The following PTPRD variants were observed in gnomAD, a reference collection of about 807,000 sequenced individuals.
PTPRD encodes the protein protein tyrosine phosphatase receptor type D.
In PTPRD, 34 loss-of-function variants were observed where a neutral mutation model predicts 214.5. The observed-to-expected ratio is 0.16, with a 90% CI of 0.12 to 0.21. PTPRD has a LOEUF of 0.21. Among genes scored for constraint, PTPRD ranks in the 10% least tolerant of loss-of-function variants. The pLI, the probability that PTPRD is intolerant of heterozygous loss-of-function variation, is 1.00. For missense variants in PTPRD, 2,545 were observed against 2,398.7 expected (o/e 1.06, Z -1.27); for synonymous variants, 1,128 against 845.7 (o/e 1.33, Z -5.79).
intron 6 of PTPRD, among the ~76,000 whole-genome samples, chr9:9,741,829 CCA>C (rs899381106): frequency 1.1e-4 from 17 of 152,232 alleles, no homozygotes; most frequent in African/African-American, 4.1e-4. Context: ...TGTATATGTA[CCA>C]CATTTTCTTT....
chr9:8,402,197 CA>C lies in PTPRD; in HGVS notation c.4210+2339del, dbSNP rs781646853. 6.6e-5 allele frequency among the ~76,000 whole-genome samples: 10 copies of C among 152,268 alleles called. No individual in the cohort carries two copies. The South Asian group carries it at 1.0e-3, about 16-fold the overall frequency. On this transcript the variant is annotated intron_variant, in intron 36 of 45. Transcript: ENST00000381196. ...TAAATGCTTCTAACCTTTTGCATAA[CA>C]CTTAACATGTTAGGTCAGCTCTAGA...
At chr9:9,451,425 C>T (rs1244420611) in intron 8 of PTPRD, among the ~76,000 whole-genome samples, 1 of 151,580 alleles carries the variant, frequency 6.6e-6, no homozygotes, top group Non-Finnish European at 1.5e-5. Flanking sequence ...AGTTTGTTTC[C>T]ATTTTTGTGT....
At chr9:8,994,664 G>T (rs1030524488) in intron 11 of PTPRD, among the ~76,000 whole-genome samples, 4 of 151,932 alleles carry the variant, frequency 2.6e-5, no homozygotes, top group Non-Finnish European at 5.9e-5. Flanking sequence ...CGGTTGGAGG[G>T]GGGGTGTTGT....
intron 7 of PTPRD, among the ~76,000 whole-genome samples, chr9:9,676,834 G>T (rs1000690235): frequency 6.6e-6 from 1 of 152,098 alleles, no homozygotes; most frequent in African/African-American, 2.4e-5. Context: ...GGTGTGAGAT[G>T]GTATCTCATT....
At chr9:10,542,113 A>G (rs1173713781) in intron 2 of PTPRD, among the ~76,000 whole-genome samples, 1 of 152,162 alleles carries the variant, frequency 6.6e-6, no homozygotes, top group African/African-American at 2.4e-5. Flanking sequence ...TGAAAGACTA[A>G]TAAAAGACTT....
chr9:10,068,445 G>A (rs1433827155), intron 3 of PTPRD, among the ~76,000 whole-genome samples: 2 of 151,810 alleles, frequency 1.3e-5, no homozygotes, highest in Admixed American at 6.6e-5. Flanking sequence ...TACTCTCCTG[G>A]TCCTTTGGAT....
At chr9:8,544,269 C>T (rs2079285221) in intron 14 of PTPRD, among the ~76,000 whole-genome samples, 1 of 144,748 alleles carries the variant, frequency 6.9e-6, no homozygotes, top group African/African-American at 2.6e-5. Flanking sequence ...CAGGTTCAAG[C>T]AATTTGCCTG....
chr9:9,781,321 G>T (rs1355628573), intron 5 of PTPRD, among the ~76,000 whole-genome samples: 1 of 151,998 alleles, frequency 6.6e-6, no homozygotes, highest in East Asian at 1.9e-4. Context: ...ATCTAACACT[G>T]TTCTAAAAAT....
chr9:10,205,065 T>G (rs1437371895), intron 3 of PTPRD, among the ~76,000 whole-genome samples: 2 of 152,154 alleles, frequency 1.3e-5, no homozygotes, highest in Non-Finnish European at 2.9e-5. Flanking sequence ...GCTTTGTACT[T>G]GTTTTAAAGT....
At chr9:9,951,007 A>C (rs866723307) in intron 4 of PTPRD, among the ~76,000 whole-genome samples, 2 of 152,194 alleles carry the variant, frequency 1.3e-5, no homozygotes, top group Admixed American at 6.5e-5. Flanking sequence ...CTGGTATGAA[A>C]GTAACAAGAG....
At chr9:10,251,229 C>T (rs1330886046) in intron 3 of PTPRD, among the ~76,000 whole-genome samples, 1 of 152,100 alleles carries the variant, frequency 6.6e-6, no homozygotes, top group Admixed American at 6.5e-5. Context: ...ATGCTAGGCA[C>T]TTTCATGTGA....
intron 2 of PTPRD, among the ~76,000 whole-genome samples, chr9:10,423,044 T>A (rs1565938264): frequency 6.6e-6 from 1 of 151,998 alleles, no homozygotes; most frequent in Non-Finnish European, 1.5e-5. Context: ...AGCAAAGACT[T>A]GGAACCAACC....
chr9:10,524,063 C>T (rs2053464088), intron 2 of PTPRD, among the ~76,000 whole-genome samples: 1 of 151,986 alleles, frequency 6.6e-6, no homozygotes, highest in South Asian at 2.1e-4. Flanking sequence ...CTTATAAGTC[C>T]TCACGTGAAC....
chr9:9,733,957 ACCT>A (rs978295206), intron 7 of PTPRD, among the ~76,000 whole-genome samples: 13 of 152,016 alleles, frequency 8.6e-5, no homozygotes, highest in African/African-American at 3.1e-4. Context: ...TTCACAGAAA[ACCT>A]CCTATCTCAA....
At chr9:10,346,442 G>C (rs73644425) in intron 2 of PTPRD, among the ~76,000 whole-genome samples, 1,816 of 152,126 alleles carry the variant, frequency 0.012, 45 homozygotes, top group African/African-American at 0.041. Flanking sequence ...AATAAAGACT[G>C]AAAAATTATA....
chr9:9,009,795 G>A (rs367552727), intron 11 of PTPRD, among the ~76,000 whole-genome samples: 22 of 151,954 alleles, frequency 1.4e-4, no homozygotes, highest in South Asian at 1.2e-3. Context: ...GCCACATAAC[G>A]AGTATAAGGA....
intron 8 of PTPRD, among the ~76,000 whole-genome samples, chr9:9,433,986 A>G (rs577684469): frequency 6.6e-6 from 1 of 152,186 alleles, no homozygotes; most frequent in Non-Finnish European, 1.5e-5. Flanking sequence ...CAGAAAAATC[A>G]TTAAAATAAT....
chr9:8,763,995 A>G (rs2094558742), intron 11 of PTPRD, among the ~76,000 whole-genome samples: 1 of 152,236 alleles, frequency 6.6e-6, no homozygotes, highest in Non-Finnish European at 1.5e-5. Flanking sequence ...GAGTTCATTA[A>G]AAATTATTGA....
At chr9:8,490,090 C>T (rs1029474380) in intron 27 of PTPRD, among the ~76,000 whole-genome samples, 2 of 152,160 alleles carry the variant, frequency 1.3e-5, no homozygotes, top group South Asian at 4.1e-4. Context: ...GTTCTGCTCA[C>T]TCCAGCACTG....
Sources: allele counts gnomAD v4.1 joint callset (sites outside exome capture counted in the v4.1 genomes callset), GRCh38; gene constraint gnomAD v4.1.1; transcripts MANE v1.5; gene names NCBI Gene and HGNC (gene_info 2026-07-23, HGNC 2026-07-21).